The following RASGRP3 variants were observed in gnomAD, a reference collection of about 807,000 sequenced individuals.
The protein encoded by RASGRP3 is ras guanyl-releasing protein 3.
RASGRP3 carries 54 observed loss-of-function variants against 82.7 expected under a neutral mutation model. That is an observed-to-expected ratio of 0.65 (90% CI 0.52 to 0.82). The LOEUF (loss-of-function observed/expected upper bound fraction) is 0.82. Ranked by LOEUF, RASGRP3 falls within the 40% of genes least tolerant of loss-of-function variation. The pLI is 0.00. For missense variants in RASGRP3, 861 were observed against 828.9 expected (o/e 1.04, Z -0.48); for synonymous variants, 309 against 300.5 (o/e 1.03, Z -0.29).
rs755625249 is a variant in RASGRP3, at chr2:33,522,080, A to G, written c.494A>G (p.His165Arg). The G allele has an allele frequency of 5.0e-6, 8 of 1,609,656 alleles. No homozygotes were observed. The South Asian group carries it at 6.7e-5, about 13-fold the overall frequency. The change falls in exon 7 of 18, where the codon CAT (histidine) becomes CGT (arginine). Residue 165 changes from histidine (H) to arginine (R), a missense_variant. Physicochemically the swap from His to Arg is conservative, Grantham distance 29. Coordinates refer to ENST00000403687, the MANE Select transcript of RASGRP3 (RefSeq NM_001139488.2). ...GCTGAGCACCTCACTTTTCTGGAGC[A>G]TAAATCTTTTAGAAGGATCTCAGTA... Reference protein sequence around the residue: ...ELAEHLTFLEHKSFRRISFTD... With the variant: ...ELAEHLTFLERKSFRRISFTD...
chr2:33,494,215 A>G (rs1276001731), intron 1 of RASGRP3, among the ~76,000 whole-genome samples: 1 of 152,124 alleles, frequency 6.6e-6, no homozygotes, highest in Non-Finnish European at 1.5e-5. Flanking sequence ...TACTAGCACA[A>G]CCTCTTTCTC....
chr2:33,525,399 A>T (rs1672446256), intron 9 of RASGRP3, among the ~76,000 whole-genome samples: 1 of 151,932 alleles, frequency 6.6e-6, no homozygotes, highest in African/African-American at 2.4e-5. Context: ...TTTCTGCCAC[A>T]TTTATTTTCA....
chr2:33,439,438 C>G (rs1383909703), intron 1 of RASGRP3, among the ~76,000 whole-genome samples: 1 of 152,084 alleles, frequency 6.6e-6, no homozygotes, highest in African/African-American at 2.4e-5. Context: ...TGAGCAGAGA[C>G]AGGAATGGCC....
At chr2:33,443,591 C>G (rs1461846256) in intron 1 of RASGRP3, among the ~76,000 whole-genome samples, 1 of 151,790 alleles carries the variant, frequency 6.6e-6, no homozygotes, top group East Asian at 1.9e-4. Flanking sequence ...TATGGAACAC[C>G]CTACAGCACA....
intron 13 of RASGRP3, among the ~76,000 whole-genome samples, chr2:33,547,615 G>T (rs757257543): frequency 6.6e-6 from 1 of 152,042 alleles, no homozygotes; most frequent in Non-Finnish European, 1.5e-5. Context: ...TGTCAAAGAT[G>T]CAGTGCAAAA....
intron 11 of RASGRP3, among the ~76,000 whole-genome samples, chr2:33,536,511 A>T (rs1040850040): frequency 1.3e-5 from 2 of 150,956 alleles, no homozygotes; most frequent in Admixed American, 6.6e-5. Flanking sequence ...ATTTTACCAC[A>T]CTTGCCTGCC....
intron 10 of RASGRP3, chr2:33,532,798 T>G (rs886128008): frequency 3.3e-5 from 5 of 152,212 alleles, no homozygotes; most frequent in African/African-American, 1.2e-4. Flanking sequence ...GTCCTTAATT[T>G]AAATGTTATA....
chr2:33,502,418 T>G (rs1184934719), intron 1 of RASGRP3, among the ~76,000 whole-genome samples: 2 of 152,166 alleles, frequency 1.3e-5, no homozygotes, highest in East Asian at 3.8e-4. Flanking sequence ...TACAATTGAT[T>G]AATTCCTCCT....
At chr2:33,554,267 C>A (rs59544294) in intron 14 of RASGRP3, among the ~76,000 whole-genome samples, 2 of 152,028 alleles carry the variant, frequency 1.3e-5, no homozygotes, top group Non-Finnish European at 2.9e-5. Context: ...ACATTGTGAA[C>A]GGCACCCCCA....
chr2:33,507,459 A>T (rs1049057663), intron 1 of RASGRP3, among the ~76,000 whole-genome samples: 5 of 152,260 alleles, frequency 3.3e-5, no homozygotes, highest in African/African-American at 1.2e-4. Flanking sequence ...GAAGGTGGGG[A>T]TCATAGGAAA....
intron 2 of RASGRP3, 30 bp downstream of exon 2, chr2:33,511,872 A>G (rs145788385): frequency 6.5e-6 from 1 of 152,790 alleles, no homozygotes; most frequent in East Asian, 1.9e-4. Context: ...GTCATAAATT[A>G]TGTAAGAATT....
In RASGRP3 at chr2:33,480,383, T is replaced by G. The variant is rs575162993; in HGVS notation, c.-261+3676T>G. Among the ~76,000 whole-genome samples the G allele has an allele frequency of 5.9e-5, 9 of 152,306 alleles. No individual in the cohort carries two copies. In the South Asian group the frequency reaches 1.9e-3, roughly 32 times the overall value. On this transcript the variant is annotated intron_variant, in intron 1 of 17. Transcript: ENST00000403687. ...TTTTTAATCTTTAATTCCACCTGCC[T>G]GCTGCCTCTAAAACTAAGCCCAACT...
intron 11 of RASGRP3, among the ~76,000 whole-genome samples, chr2:33,537,262 T>A (rs1248047824): frequency 6.9e-6 from 1 of 145,098 alleles, no homozygotes; most frequent in Non-Finnish European, 1.5e-5. Flanking sequence ...GAATAACCAC[T>A]GCACTCCAGC....
intron 1 of RASGRP3, among the ~76,000 whole-genome samples, chr2:33,492,857 T>A (rs1366831155): frequency 6.6e-6 from 1 of 152,044 alleles, no homozygotes; most frequent in East Asian, 1.9e-4. Flanking sequence ...GGCATCAGGA[T>A]GGGGAGGGGA....
chr2:33,455,146 C>G (rs1378603969), intron 2 of RASGRP3, among the ~76,000 whole-genome samples: 1 of 152,118 alleles, frequency 6.6e-6, no homozygotes, highest in African/African-American at 2.4e-5. Flanking sequence ...AGGCAAAGAT[C>G]CATGAAAGCT....
At position 33,539,208 on chromosome 2, in the gene RASGRP3, G is replaced by A; in HGVS notation, c.1276G>A (p.Glu426Lys). The A allele has an allele frequency of 1.3e-6, 2 of 1,597,436 alleles. No individual in the cohort carries two copies. The change falls in exon 12 of 18, where the codon GAG (glutamate) becomes AAG (lysine). Residue 426 changes from glutamate (E) to lysine (K), a missense_variant and splice_region_variant. Physicochemically the swap from Glu to Lys is moderately conservative, Grantham distance 56 (BLOSUM62 1). Coordinates refer to ENST00000403687, the MANE Select transcript of RASGRP3 (RefSeq NM_001139488.2). ...CAACAAGCACATAAGGAAATTAGTG[G>A]AGGTAAGTGGTTGAGGGAGAATAAA... ...VINKHIRKLV[E>K]SVFRNYDHDH... is the part of the protein sequence containing the mutation.
At chr2:33,462,731 C>A (rs998307407) in intron 2 of RASGRP3, among the ~76,000 whole-genome samples, 1 of 152,120 alleles carries the variant, frequency 6.6e-6, no homozygotes, top group Non-Finnish European at 1.5e-5. Flanking sequence ...GATCAAATTG[C>A]GCCCCCACCT....
At chr2:33,447,241 A>G (rs1486539178) in intron 1 of RASGRP3, among the ~76,000 whole-genome samples, 2 of 152,162 alleles carry the variant, frequency 1.3e-5, no homozygotes, top group African/African-American at 4.8e-5. Flanking sequence ...GGGACCTACA[A>G]ATGAGTTGAG....
intron 2 of RASGRP3, among the ~76,000 whole-genome samples, chr2:33,467,372 G>A (rs1042021021): frequency 1.3e-5 from 2 of 152,094 alleles, no homozygotes; most frequent in East Asian, 3.8e-4. Context: ...CTGTGACTGG[G>A]TGCTTACCCT....
Sources: allele counts gnomAD v4.1 joint callset (sites outside exome capture counted in the v4.1 genomes callset), GRCh38; gene constraint gnomAD v4.1.1; transcripts MANE v1.5; gene names NCBI Gene and HGNC (gene_info 2026-07-23, HGNC 2026-07-21).